FGF14: variants seen among roughly 807,000 people sequenced by gnomAD.
FGF14 encodes the protein fibroblast growth factor homologous factor 4.
FGF14 carries 5 observed loss-of-function variants against 25.5 expected under a neutral mutation model. The observed-to-expected ratio is 0.20, with a 90% CI of 0.10 to 0.41. The LOEUF (loss-of-function observed/expected upper bound fraction) is 0.41. FGF14 is among the 10% of genes least tolerant of loss of function. The pLI is 1.00. For synonymous variants in FGF14, 138 were observed against 118.3 expected, an observed-to-expected ratio of 1.17 and a Z score of -1.08; for missense variants, 222 against 320.1, an observed-to-expected ratio of 0.69 and a Z score of 2.34.
At chr13:102,084,643 T>A (rs2043803789) in intron 1 of FGF14, among the ~76,000 whole-genome samples, 1 of 152,068 alleles carries the variant, frequency 6.6e-6, no homozygotes, top group African/African-American at 2.4e-5. Flanking sequence ...TTATACATTG[T>A]CAAAGGAAGC....
chr13:102,311,558 A>G (rs535771706), intron 1 of FGF14, among the ~76,000 whole-genome samples: 5 of 152,304 alleles, frequency 3.3e-5, no homozygotes, highest in Non-Finnish European at 7.4e-5. Flanking sequence ...ATTACAATTC[A>G]GAAGTGCTGT....
chr13:102,375,479 T>G (rs2058018316), intron 1 of FGF14, among the ~76,000 whole-genome samples: 1 of 152,158 alleles, frequency 6.6e-6, no homozygotes, highest in Non-Finnish European at 1.5e-5. Context: ...TTATCGTTAT[T>G]TAATAACGTT....
intron 1 of FGF14, among the ~76,000 whole-genome samples, chr13:102,240,101 A>G (rs1278229589): frequency 6.6e-6 from 1 of 152,154 alleles, no homozygotes; most frequent in Non-Finnish European, 1.5e-5. Flanking sequence ...CAAGAATATT[A>G]CCAGAAATGC....
At chr13:101,764,232 T>A (rs1320641805) in intron 3 of FGF14, among the ~76,000 whole-genome samples, 1 of 152,232 alleles carries the variant, frequency 6.6e-6, no homozygotes, top group East Asian at 1.9e-4. Context: ...TGGGATAGTT[T>A]CCGCTGACCC....
intron 1 of FGF14, among the ~76,000 whole-genome samples, chr13:102,317,322 T>C (rs1480534535): frequency 2.6e-5 from 4 of 152,154 alleles, no homozygotes; most frequent in Admixed American, 6.5e-5. Flanking sequence ...TCGTTATTCC[T>C]TTATTCCCAC....
intron 1 of FGF14, among the ~76,000 whole-genome samples, chr13:102,136,635 G>C (rs990818593): frequency 6.7e-6 from 1 of 148,594 alleles, no homozygotes; most frequent in African/African-American, 2.5e-5. Context: ...CTGTAAAGCA[G>C]CCCACAGATT....
intron 3 of FGF14, among the ~76,000 whole-genome samples, chr13:101,739,816 G>A (rs1452245990): frequency 6.6e-6 from 1 of 152,128 alleles, no homozygotes; most frequent in African/African-American, 2.4e-5. Flanking sequence ...AAAACAACAA[G>A]GAAGTAAAAC....
chr13:102,199,459 C>T (rs1354759524), intron 1 of FGF14, among the ~76,000 whole-genome samples: 1 of 152,176 alleles, frequency 6.6e-6, no homozygotes, highest in Non-Finnish European at 1.5e-5. Context: ...GAGCCAGGTA[C>T]TTTTGTGACT....
At position 102,229,947 on chromosome 13, in the gene FGF14, A is replaced by G. The variant is rs9582567; in HGVS notation, c.208+171524T>C. ...ATTCAATTCATTAAATGACGATTCTATTCCAGGCATTGTACTAGTCACTGA... is the reference window on the plus strand; with the variant it reads ...ATTCAATTCATTAAATGACGATTCTGTTCCAGGCATTGTACTAGTCACTGA... On this transcript the variant is annotated intron_variant, in intron 1 of 4. Transcript: ENST00000376131. Among the ~76,000 whole-genome samples, 321 of 152,292 alleles carry G rather than the reference A, an allele frequency of 2.1e-3. 1 individual carries two copies. Among genetic ancestry groups the G allele is most frequent in the African/African-American group, 7.3e-3 (302 of 41,554 alleles).
At chr13:101,807,305 CA>C (rs1283846321) in intron 3 of FGF14, among the ~76,000 whole-genome samples, 1 of 152,056 alleles carries the variant, frequency 6.6e-6, no homozygotes, top group African/African-American at 2.4e-5. Context: ...AGCAAATCCA[CA>C]AACTCATCAA....
intron 1 of FGF14, among the ~76,000 whole-genome samples, chr13:102,329,764 C>T (rs1252216204): frequency 6.6e-6 from 1 of 152,102 alleles, no homozygotes; most frequent in East Asian, 1.9e-4. Flanking sequence ...CTGTTTTCCA[C>T]CTTACTCCTT....
intron 3 of FGF14, among the ~76,000 whole-genome samples, chr13:101,799,611 C>T (rs2040753703): frequency 6.6e-6 from 1 of 152,066 alleles, no homozygotes; most frequent in Non-Finnish European, 1.5e-5. Context: ...ATATAGTATG[C>T]ACGTATTAGT....
At position 102,401,319 on chromosome 13, in the gene FGF14, G is replaced by A. The variant is rs531744566; in HGVS notation, c.208+152C>T. The A allele has an allele frequency of 1.5e-5, 11 of 733,970 alleles. No homozygotes were observed. The East Asian group carries it at 2.2e-4, about 14-fold the overall frequency. 45.5% of individuals were successfully genotyped at this position (733,970 alleles called of 1,614,324 possible). A position where few individuals can be genotyped will look rare whatever the true frequency, so the allele number is the denominator to read the frequency against. On this transcript the variant is annotated intron_variant, in intron 1 of 4. Coordinates refer to the FGF14 transcript ENST00000376131. ...GTAGACGCCGATCCAGCTGTTACTT[G>A]TTTATTCATGCAACACCTCTATATG...
chr13:102,257,184 A>C (rs749065121), intron 1 of FGF14, among the ~76,000 whole-genome samples: 11 of 152,120 alleles, frequency 7.2e-5, no homozygotes, highest in Non-Finnish European at 1.6e-4. Flanking sequence ...CAGTTTACCT[A>C]TTAGAAAAAC....
At chr13:102,286,519 T>C (rs190861794) in intron 1 of FGF14, among the ~76,000 whole-genome samples, 10 of 152,366 alleles carry the variant, frequency 6.6e-5, no homozygotes, top group African/African-American at 2.4e-4. Context: ...GTATTACTTC[T>C]CTCTATGTAT....
intron 3 of FGF14, among the ~76,000 whole-genome samples, chr13:101,845,904 A>G (rs1335093580): frequency 3.9e-5 from 6 of 151,958 alleles, no homozygotes; most frequent in Non-Finnish European, 8.8e-5. Flanking sequence ...CTCAGTGCAT[A>G]TAACTATAGT....
chr13:101,754,992 A>AT (rs2037548432), intron 3 of FGF14, among the ~76,000 whole-genome samples: 1 of 152,210 alleles, frequency 6.6e-6, no homozygotes, highest in Non-Finnish European at 1.5e-5. Flanking sequence ...CTTATACGGC[A>AT]TATCAACATT....
chr13:101,980,907 G>A (rs377473398), intron 1 of FGF14, among the ~76,000 whole-genome samples: 1 of 151,972 alleles, frequency 6.6e-6, no homozygotes, highest in Non-Finnish European at 1.5e-5. Context: ...GTCGTTAAGA[G>A]GTGATTCCAC....
At chr13:102,257,825 G>A (rs1319437867) in intron 1 of FGF14, among the ~76,000 whole-genome samples, 1 of 152,146 alleles carries the variant, frequency 6.6e-6, no homozygotes, top group African/African-American at 2.4e-5. Context: ...GCCACCTTCA[G>A]TCTTCTCCTT....
Sources: allele counts gnomAD v4.1 joint callset (sites outside exome capture counted in the v4.1 genomes callset), GRCh38; gene constraint gnomAD v4.1.1; transcripts MANE v1.5; gene names NCBI Gene and HGNC (gene_info 2026-07-23, HGNC 2026-07-21).